The following ETV6 variants were observed in gnomAD, a reference collection of about 807,000 sequenced individuals.
ETV6 encodes transcription factor ETV6.
In ETV6, 16 loss-of-function variants were observed where a neutral mutation model predicts 51.1. The ratio of observed to expected loss-of-function variants is 0.31; its 90% confidence interval spans 0.21 to 0.48. ETV6 has a LOEUF of 0.48. Among genes scored for constraint, ETV6 ranks in the 20% least tolerant of loss-of-function variants. The pLI, the probability that ETV6 is intolerant of heterozygous loss-of-function variation, is 0.99. For synonymous variants in ETV6, 240 were observed against 224.1 expected, an observed-to-expected ratio of 1.07 and a Z score of -0.64; for missense variants, 458 against 594.8, an observed-to-expected ratio of 0.77 and a Z score of 2.39.
At chr12:11,763,364 A>ATTAAAGG (rs1441507837) in intron 2 of ETV6, among the ~76,000 whole-genome samples, 1 of 152,156 alleles carries the variant, frequency 6.6e-6, no homozygotes, top group African/African-American at 2.4e-5. Flanking sequence ...CTGGGGTTTT[A>ATTAAAGG]TTAAAGGTCT....
intron 1 of ETV6, among the ~76,000 whole-genome samples, chr12:11,663,060 G>T (rs976187765): frequency 1.3e-5 from 2 of 152,228 alleles, no homozygotes; most frequent in African/African-American, 2.4e-5. Flanking sequence ...ACATCTCTCC[G>T]CTGGTCCTAG....
rs1947310184 is a variant in ETV6 at position 11,892,493 on chromosome 12, G to A, written c.*1447G>A. 4.3e-6 allele frequency: 1 copy of A among 232,158 alleles called. No individual in the cohort carries two copies. Among genetic ancestry groups the A allele is most frequent in the African/African-American group, 2.2e-5 (1 of 45,214 alleles). The allele number at this position is 232,158 out of a possible 1,614,324, so 14.4% of individuals were successfully genotyped here. A position where few individuals can be genotyped will look rare whatever the true frequency, so the allele number is the denominator to read the frequency against. On this transcript the variant is annotated 3_prime_UTR_variant, in exon 8 of 8. Coordinates refer to ENST00000396373, the MANE Select transcript of ETV6 (RefSeq NM_001987.5). The stretch of plus-strand genomic sequence containing the variant: ...GTGCCACTTCTTAGTATTTTTGAAA[G>A]CTGTTTTAGATTTTTTTTTTTTTTC...
chr12:11,679,717 T>C (rs1864490326), intron 1 of ETV6, among the ~76,000 whole-genome samples: 1 of 152,210 alleles, frequency 6.6e-6, no homozygotes, highest in Admixed American at 6.5e-5. Flanking sequence ...TTTCCATTAT[T>C]TGTAACATTT....
chr12:11,769,321 T>C lies in ETV6; in HGVS notation c.163+16742T>C, dbSNP rs370639420. On this transcript the variant is annotated intron_variant, in intron 2 of 7. Transcript: ENST00000396373. The stretch of plus-strand genomic sequence containing the variant: ...TTGTCTTCCTCATTCTCATTGTTAA[T>C]CTCATTTTTCTTCCCTGGAGAATAT... Among the ~76,000 whole-genome samples the C allele has an allele frequency of 3.9e-5, 6 of 152,176 alleles. No individual in the cohort carries two copies. In the South Asian group the frequency reaches 6.2e-4, roughly 16 times the overall value.
intron 5 of ETV6, among the ~76,000 whole-genome samples, chr12:11,878,670 C>T (rs1022288400): frequency 1.3e-5 from 2 of 151,908 alleles, no homozygotes; most frequent in South Asian, 2.1e-4. Context: ...AGCGTGCCAC[C>T]GTGCACATAT....
At chr12:11,724,275 G>A (rs551640740) in intron 1 of ETV6, among the ~76,000 whole-genome samples, 2 of 152,332 alleles carry the variant, frequency 1.3e-5, no homozygotes, top group East Asian at 1.9e-4. Flanking sequence ...AGGTTTCCAT[G>A]CGCAGCCTTC....
chr12:11,816,734 G>A (rs1179314073), intron 2 of ETV6, among the ~76,000 whole-genome samples: 1 of 152,202 alleles, frequency 6.6e-6, no homozygotes, highest in Non-Finnish European at 1.5e-5. Flanking sequence ...TAAGCCAAAG[G>A]ATGGTGGGGG....
intron 2 of ETV6, among the ~76,000 whole-genome samples, chr12:11,790,897 T>A (rs932391705): frequency 6.6e-6 from 1 of 152,058 alleles, no homozygotes; most frequent in African/African-American, 2.4e-5. Context: ...AGCATGTGGG[T>A]CTGGAACCCC....
chr12:11,649,840 A>C lies in ETV6; in HGVS notation c.-288A>C, dbSNP rs939182994. Reference sequence around the variant, plus strand: ...GCTGCGGGTGGGAGGAGAGACCGGGAGGCCGGCCGGGCTGCGTCCCGGGTC... The same window carrying C: ...GCTGCGGGTGGGAGGAGAGACCGGGCGGCCGGCCGGGCTGCGTCCCGGGTC... On this transcript the variant is annotated 5_prime_UTR_variant, in exon 1 of 8. Transcript: ENST00000396373. 1.3e-5 allele frequency: 2 copies of C among 150,916 alleles called. No individual in the cohort carries two copies. Among genetic ancestry groups the C allele is most frequent in the African/African-American group, 4.9e-5 (2 of 40,994 alleles). 9.3% of individuals were successfully genotyped at this position (150,916 alleles called of 1,614,324 possible). A position where few individuals can be genotyped will look rare whatever the true frequency, so the allele number is the denominator to read the frequency against.
intron 2 of ETV6, among the ~76,000 whole-genome samples, chr12:11,787,566 A>AAAGGCTGT (rs1426527696): frequency 6.6e-6 from 1 of 152,146 alleles, no homozygotes; most frequent in African/African-American, 2.4e-5. Flanking sequence ...CTAGAGTAAG[A>AAAGGCTGT]GATTTCTGGG....
At chr12:11,773,615 C>T (rs61921814) in intron 2 of ETV6, among the ~76,000 whole-genome samples, 4,693 of 152,320 alleles carry the variant, frequency 0.031, 103 homozygotes, top group Middle Eastern at 0.051. Context: ...ATCCATGGCT[C>T]AGTCCAAGGT....
At chr12:11,653,788 ATTAATAGAAT>A (rs374010276) in intron 1 of ETV6, among the ~76,000 whole-genome samples, 361 of 152,240 alleles carry the variant, frequency 2.4e-3, no homozygotes, top group African/African-American at 8.2e-3. Context: ...TCAAATGCTT[ATTAATAGAAT>A]TTTGATACAA....
chr12:11,819,639 T>C (rs2136432880), intron 2 of ETV6, among the ~76,000 whole-genome samples: 1 of 152,340 alleles, frequency 6.6e-6, no homozygotes, highest in Non-Finnish European at 1.5e-5. Context: ...TCTATTCATC[T>C]AGTTTCAGGA....
chr12:11,860,575 A>C (rs1186164221), intron 4 of ETV6, among the ~76,000 whole-genome samples: 1 of 151,706 alleles, frequency 6.6e-6, no homozygotes. Context: ...AAAAAAAAAA[A>C]CAAAACAAAA....
chr12:11,661,094 A>G (rs949474155), intron 1 of ETV6, among the ~76,000 whole-genome samples: 3 of 152,134 alleles, frequency 2.0e-5, no homozygotes, highest in Non-Finnish European at 4.4e-5. Context: ...GGCTCAAGTG[A>G]TCCTCCTGCC....
intron 1 of ETV6, among the ~76,000 whole-genome samples, chr12:11,674,826 G>A (rs985353241): frequency 5.9e-5 from 9 of 152,044 alleles, no homozygotes; most frequent in African/African-American, 1.9e-4. Flanking sequence ...CCCCAGGAGC[G>A]GAGGCCCCTG....
chr12:11,710,863 A>G (rs765213825), intron 1 of ETV6, among the ~76,000 whole-genome samples: 2 of 152,174 alleles, frequency 1.3e-5, no homozygotes, highest in African/African-American at 4.8e-5. Context: ...GTGTAGGGTC[A>G]TGAGTCTGCT....
chr12:11,665,330 C>T (rs1316966929), intron 1 of ETV6, among the ~76,000 whole-genome samples: 8 of 152,214 alleles, frequency 5.3e-5, no homozygotes, highest in Non-Finnish European at 1.2e-4. Flanking sequence ...TGGAATCTTC[C>T]CTCGATCTTC....
intron 2 of ETV6, among the ~76,000 whole-genome samples, chr12:11,789,992 C>T (rs1191884840): frequency 3.3e-5 from 5 of 152,062 alleles, no homozygotes; most frequent in African/African-American, 1.2e-4. Flanking sequence ...ATTCTTTCTC[C>T]AGAACTCCCA....
Sources: allele counts gnomAD v4.1 joint callset (sites outside exome capture counted in the v4.1 genomes callset), GRCh38; gene constraint gnomAD v4.1.1; transcripts MANE v1.5; gene names NCBI Gene and HGNC (gene_info 2026-07-23, HGNC 2026-07-21).